KLF12: variants seen among roughly 807,000 people sequenced by gnomAD.
KLF12 encodes the protein Krueppel-like factor 12.
Under a neutral mutation model 37.8 loss-of-function variants are expected in KLF12, and 9 were observed. That is an observed-to-expected ratio of 0.24 (90% confidence interval 0.14 to 0.42). The LOEUF is 0.42. KLF12 is among the 10% of genes least tolerant of loss of function. The probability of loss-of-function intolerance (pLI) is 1.00; values close to 1 mark genes in which losing one functional copy is unlikely to be tolerated. For missense variants in KLF12, 411 were observed against 516.0 expected, an observed-to-expected ratio of 0.80 and a Z score of 1.97; for synonymous variants, 208 against 202.1, an observed-to-expected ratio of 1.03 and a Z score of -0.25.
At chr13:73,864,234 T>G (rs1484319650) in intron 3 of KLF12, among the ~76,000 whole-genome samples, 1 of 152,132 alleles carries the variant, frequency 6.6e-6, no homozygotes, top group African/African-American at 2.4e-5. Flanking sequence ...ATATCCTGAT[T>G]TGTATAAAGT....
chr13:73,728,800 G>A (rs1876851645), intron 6 of KLF12, among the ~76,000 whole-genome samples: 1 of 152,156 alleles, frequency 6.6e-6, no homozygotes, highest in Non-Finnish European at 1.5e-5. Flanking sequence ...GCTGGACTCA[G>A]TTTGCTTGTA....
At chr13:73,777,530 G>A (rs953133995) in intron 5 of KLF12, among the ~76,000 whole-genome samples, 1 of 152,014 alleles carries the variant, frequency 6.6e-6, no homozygotes, top group African/African-American at 2.4e-5. Context: ...CCAACATGGA[G>A]AAACCCTGTC....
the KLF12 span, among the ~76,000 whole-genome samples, chr13:74,175,581 A>G: frequency 7.9e-5 from 12 of 152,260 alleles, no homozygotes; most frequent in South Asian, 4.1e-4. Flanking sequence ...ATGAGACCCA[A>G]TCCAGGGCCC....
At chr13:73,797,082 T>C (rs1408834775) in intron 5 of KLF12, among the ~76,000 whole-genome samples, 1 of 152,216 alleles carries the variant, frequency 6.6e-6, no homozygotes, top group African/African-American at 2.4e-5. Flanking sequence ...AGATCTTACA[T>C]GAGAGTATAC....
chr13:74,168,462 C>T, the KLF12 span, among the ~76,000 whole-genome samples: 15 of 152,322 alleles, frequency 9.8e-5, no homozygotes, highest in African/African-American at 3.6e-4. Context: ...CTGCCCAGTC[C>T]TCATGCCAAC....
chr13:73,711,458 A>C (rs1056443579), intron 7 of KLF12, among the ~76,000 whole-genome samples: 1 of 152,242 alleles, frequency 6.6e-6, no homozygotes, highest in African/African-American at 2.4e-5. Context: ...AGCTGAAGCC[A>C]AGGCTCATAT....
At chr13:74,261,231 A>G in the KLF12 span, among the ~76,000 whole-genome samples, 3 of 152,214 alleles carry the variant, frequency 2.0e-5, no homozygotes, top group African/African-American at 7.2e-5. Context: ...TAATCACCCA[A>G]AGAAAACTAT....
At chr13:74,003,529 T>C (rs898049766) in intron 1 of KLF12, among the ~76,000 whole-genome samples, 22 of 152,200 alleles carry the variant, frequency 1.4e-4, no homozygotes, top group African/African-American at 5.1e-4. Context: ...CTCAGGTGTG[T>C]ATCTGTCTTA....
chr13:74,089,817 A>C (rs1175963648), intron 1 of KLF12, among the ~76,000 whole-genome samples: 7 of 151,630 alleles, frequency 4.6e-5, no homozygotes, highest in Admixed American at 2.0e-4. Context: ...AAAAAAAAAA[A>C]AAAAACAACC....
At chr13:74,017,558 TC>T (rs911170469) in intron 1 of KLF12, among the ~76,000 whole-genome samples, 8 of 84,392 alleles carry the variant, frequency 9.5e-5, no homozygotes, top group South Asian at 8.8e-4. Context: ...CTCCTTCCTG[TC>T]CCCCCCACCC....
the KLF12 span, among the ~76,000 whole-genome samples, chr13:74,155,661 C>T: frequency 3.3e-5 from 5 of 152,178 alleles, no homozygotes; most frequent in Non-Finnish European, 7.3e-5. Context: ...CCACGCCCAG[C>T]CTGTAGCTCC....
intron 5 of KLF12, among the ~76,000 whole-genome samples, chr13:73,779,361 G>A (rs541960842): frequency 6.6e-6 from 1 of 152,250 alleles, no homozygotes; most frequent in Admixed American, 6.5e-5. Flanking sequence ...ATCACCAGTG[G>A]CCAATGATTT....
intron 1 of KLF12, among the ~76,000 whole-genome samples, chr13:74,072,402 TATATAA>T (rs1345006485): frequency 3.3e-5 from 4 of 120,004 alleles, no homozygotes; most frequent in African/African-American, 1.2e-4. Context: ...TATATATATA[TATATAA>T]AAGATTATCT....
At chr13:74,298,057 G>C in the KLF12 span, among the ~76,000 whole-genome samples, 5 of 152,136 alleles carry the variant, frequency 3.3e-5, no homozygotes, top group Non-Finnish European at 5.9e-5. Context: ...GTACGGTGTG[G>C]TCAAGAGAAA....
chr13:73,854,654 C>A (rs1031295283), intron 3 of KLF12, among the ~76,000 whole-genome samples: 6 of 152,180 alleles, frequency 3.9e-5, no homozygotes, highest in Admixed American at 2.6e-4. Flanking sequence ...ACCAAGGATA[C>A]CAAAACTACA....
the KLF12 span, among the ~76,000 whole-genome samples, chr13:74,292,040 A>G: frequency 6.6e-6 from 1 of 152,208 alleles, no homozygotes; most frequent in African/African-American, 2.4e-5. Flanking sequence ...TGTTAAGAGC[A>G]TGGGAAATGA....
the KLF12 span, among the ~76,000 whole-genome samples, chr13:74,274,567 T>A: frequency 6.6e-6 from 1 of 152,170 alleles, no homozygotes; most frequent in Non-Finnish European, 1.5e-5. Context: ...TATTTATGTA[T>A]CTGGTGGCTG....
chr13:74,155,113 T>C, the KLF12 span, among the ~76,000 whole-genome samples: 13 of 152,168 alleles, frequency 8.5e-5, no homozygotes, highest in Non-Finnish European at 1.3e-4. Flanking sequence ...CTGCGTACAG[T>C]TCTCTCACAG....
intron 1 of KLF12, among the ~76,000 whole-genome samples, chr13:74,040,533 A>T (rs1893373939): frequency 6.6e-6 from 1 of 152,082 alleles, no homozygotes. Context: ...AGTATAAAAA[A>T]CTCAGTGCCA....
Sources: gnomAD v4.1 joint callset for allele counts (sites outside exome capture counted in the v4.1 genomes callset) on GRCh38, gnomAD v4.1.1 for gene constraint, MANE v1.5 for transcripts, NCBI Gene and HGNC (gene_info 2026-07-23, HGNC 2026-07-21) for gene names.